Variants in PPARGC1A observed in about 807,000 individuals in gnomAD.
The protein encoded by PPARGC1A is peroxisome proliferator-activated receptor gamma coactivator 1-alpha.
A neutral mutation model predicts 88.7 loss-of-function variants in PPARGC1A; 25 were observed. The observed-to-expected ratio is 0.28, with a 90% confidence interval of 0.21 to 0.39. The LOEUF is 0.39. PPARGC1A is among the 10% of genes least tolerant of loss of function. The pLI, the probability that PPARGC1A is intolerant of heterozygous loss-of-function variation, is 1.00. For synonymous variants in PPARGC1A, 363 were observed against 355.6 expected, an observed-to-expected ratio of 1.02 and a Z score of -0.24; for missense variants, 880 against 968.7, an observed-to-expected ratio of 0.91 and a Z score of 1.22.
chr4:24,169,763 G>A, the PPARGC1A span, among the ~76,000 whole-genome samples: 1 of 152,084 alleles, frequency 6.6e-6, no homozygotes, highest in Non-Finnish European at 1.5e-5. Flanking sequence ...CAGTTACCTG[G>A]GAGGAGGAGG....
chr4:24,392,281 C>A, the PPARGC1A span, among the ~76,000 whole-genome samples: 1 of 152,128 alleles, frequency 6.6e-6, no homozygotes, highest in African/African-American at 2.4e-5. Flanking sequence ...CTTCATAGAC[C>A]ACCATGTGTC....
chr4:24,470,312 ACACACACACACACT>A, the PPARGC1A span, among the ~76,000 whole-genome samples: 1,178 of 147,872 alleles, frequency 8.0e-3, 24 homozygotes, highest in African/African-American at 0.026. This position sits in a 1 kb window ranked among gnomAD's most constrained non-coding sequence, Gnocchi z 5.8. Flanking sequence ...ACACACACAC[ACACACACACACACT>A]CTCTCACACA....
At chr4:24,140,055 C>T in the PPARGC1A span, among the ~76,000 whole-genome samples, 1 of 152,184 alleles carries the variant, frequency 6.6e-6, no homozygotes, top group Admixed American at 6.5e-5. Flanking sequence ...ATCAGCCCTA[C>T]CATTCCAGAG....
At chr4:24,217,638 C>T in the PPARGC1A span, among the ~76,000 whole-genome samples, 11 of 151,856 alleles carry the variant, frequency 7.2e-5, no homozygotes, top group Non-Finnish European at 1.3e-4. Context: ...CCTCATCTCT[C>T]CTAAAAATAC....
Position 23,814,045 on chromosome 4 carries a change from T to C in PPARGC1A, c.1438A>G (p.Lys480Glu), listed in dbSNP as rs370216387. Residue 480 changes from lysine (K) to glutamate (E), a missense_variant, in exon 8 of 13, where the codon AAG (lysine) becomes GAG (glutamate). Physicochemically the swap from Lys to Glu is moderately conservative, Grantham distance 56. Transcript: ENST00000264867. ...SQAVFDDEAD[K>E]TGELRDSDFS... is the part of the protein sequence containing the mutation. ...TCACTGTCCCTCAGTTCACCGGTCT[T>C]GTCTGCTTCGTCGTCAAAAACAGCT... is the stretch of plus-strand genomic sequence containing the variant. 18 of 1,613,934 alleles carry C rather than the reference T, an allele frequency of 1.1e-5. No individual in the cohort carries two copies. In the African/African-American group the frequency reaches 1.9e-4, roughly 17 times the overall value.
the PPARGC1A span, among the ~76,000 whole-genome samples, chr4:24,274,959 A>T: frequency 2.7e-4 from 41 of 152,308 alleles, no homozygotes; most frequent in African/African-American, 9.6e-4. Flanking sequence ...AACTAAAAGG[A>T]CCAAGAAACT....
the PPARGC1A span, among the ~76,000 whole-genome samples, chr4:24,051,187 C>CAAAAAAAAA: frequency 5.1e-5 from 3 of 58,616 alleles, no homozygotes; most frequent in African/African-American, 7.1e-5. Flanking sequence ...GACTCTGTCT[C>CAAAAAAAAA]AAAAAAAAAA....
intron 5 of PPARGC1A, among the ~76,000 whole-genome samples, chr4:23,825,793 C>T (rs1723824735): frequency 6.6e-6 from 1 of 152,080 alleles, no homozygotes; most frequent in South Asian, 2.1e-4. Context: ...CTCATATCTT[C>T]AACAAATTAG....
chr4:24,063,932 A>AG, the PPARGC1A span, among the ~76,000 whole-genome samples: 1 of 152,128 alleles, frequency 6.6e-6, no homozygotes, highest in Non-Finnish European at 1.5e-5. Context: ...TACAAACATC[A>AG]GGGGGCCCGC....
the PPARGC1A span, among the ~76,000 whole-genome samples, chr4:24,120,906 G>A: frequency 1.3e-5 from 2 of 152,150 alleles, no homozygotes; most frequent in East Asian, 3.9e-4. Flanking sequence ...TGCCCAGTTT[G>A]TGCTATTTTA....
chr4:23,991,306 T>C, the PPARGC1A span, among the ~76,000 whole-genome samples: 1 of 152,116 alleles, frequency 6.6e-6, no homozygotes, highest in Non-Finnish European at 1.5e-5. Flanking sequence ...TATACTACAG[T>C]GTCAAGCACA....
intron 7 of PPARGC1A, among the ~76,000 whole-genome samples, chr4:23,817,580 G>A (rs956090549): frequency 6.6e-6 from 1 of 152,098 alleles, no homozygotes; most frequent in South Asian, 2.1e-4. Context: ...AATATGCCCT[G>A]TGAGTAAAAA....
At chr4:24,417,471 T>A in the PPARGC1A span, among the ~76,000 whole-genome samples, 1 of 152,206 alleles carries the variant, frequency 6.6e-6, no homozygotes, top group Non-Finnish European at 1.5e-5. Flanking sequence ...GTCCAAGTTC[T>A]GCCTAGCAAG....
At chr4:24,184,022 T>G in the PPARGC1A span, among the ~76,000 whole-genome samples, 1 of 152,224 alleles carries the variant, frequency 6.6e-6, no homozygotes, top group Admixed American at 6.5e-5. Context: ...CTGGATATCT[T>G]CTGTCCAACT....
the PPARGC1A span, among the ~76,000 whole-genome samples, chr4:24,248,824 A>T: frequency 6.6e-6 from 1 of 152,162 alleles, no homozygotes; most frequent in South Asian, 2.1e-4. Flanking sequence ...GGGTTATAAC[A>T]TGTGCAGGAT....
chr4:24,009,098 T>C, the PPARGC1A span, among the ~76,000 whole-genome samples: 1 of 132,420 alleles, frequency 7.6e-6, no homozygotes, highest in African/African-American at 2.9e-5. Flanking sequence ...CAAACTCCCG[T>C]GTGAAATATT....
At chr4:24,467,022 GAA>G in the PPARGC1A span, among the ~76,000 whole-genome samples, 6 of 135,244 alleles carry the variant, frequency 4.4e-5, no homozygotes, top group African/African-American at 1.7e-4. Context: ...AAGAAAGAAA[GAA>G]AGAAAGAGAA....
At chr4:24,164,330 A>G in the PPARGC1A span, among the ~76,000 whole-genome samples, 2 of 152,180 alleles carry the variant, frequency 1.3e-5, no homozygotes, top group Non-Finnish European at 2.9e-5. Context: ...ATGAGACCAC[A>G]TTTTAAAATT....
chr4:23,907,042 G>A (rs1720128412), upstream of PPARGC1A, among the ~76,000 whole-genome samples: 1 of 152,138 alleles, frequency 6.6e-6, no homozygotes, highest in Admixed American at 6.5e-5. Context: ...TCACTCAATA[G>A]GGCAGTATCC....
Sources: gnomAD v4.1 joint callset for allele counts (sites outside exome capture counted in the v4.1 genomes callset) on GRCh38, gnomAD v4.1.1 for gene constraint, Gnocchi (gnomAD v3.1) non-coding constraint, MANE v1.5 for transcripts, NCBI Gene and HGNC (gene_info 2026-07-23, HGNC 2026-07-21) for gene names.